The following PCDHGA3 variants were observed in gnomAD, a reference collection of about 807,000 sequenced individuals.
PCDHGA3 encodes the protein protocadherin gamma subfamily A, 3, also known as protocadherin gamma-A3.
A neutral mutation model predicts 58.5 loss-of-function variants in PCDHGA3; 40 were observed. The ratio of observed to expected loss-of-function variants is 0.68; its 90% CI spans 0.53 to 0.89. The LOEUF (loss-of-function observed/expected upper bound fraction) is 0.89, where lower values mean the gene tolerates loss of function less well. Ranked by LOEUF, PCDHGA3 falls within the 40% of genes least tolerant of loss-of-function variation. The pLI, the probability that PCDHGA3 is intolerant of heterozygous loss-of-function variation, is 0.00. For missense variants in PCDHGA3, 1,223 were observed against 1,195.9 expected, an observed-to-expected ratio of 1.02 and a Z score of -0.33; for synonymous variants, 530 against 525.7, an observed-to-expected ratio of 1.01 and a Z score of -0.11.
chr5:141,390,523 G>T, intron 1 of PCDHGA3: 1 of 556,304 alleles, frequency 1.8e-6, no homozygotes, highest in South Asian at 2.2e-5. Context: ...AGCAATGAGG[G>T]TGTGGTTTTA....
At position 141,475,845 on chromosome 5, in the gene PCDHGA3, G is replaced by A. The variant is rs2099375736; in HGVS notation, c.2425-18962G>A. On this transcript the variant is annotated intron_variant, in intron 1 of 3. Coordinates refer to ENST00000253812, the MANE Select transcript of PCDHGA3 (RefSeq NM_018916.4). ...CGCTAGCGCGTGTCCTGCTCAGAGA[G>A]CCCGGCGCTAGCTCATTCTTCGTGC... The A allele has an allele frequency of 2.0e-5, 9 of 447,884 alleles. 1 individual carries two copies. In the South Asian group the frequency reaches 2.8e-4, roughly 14 times the overall value. 27.7% of individuals were successfully genotyped at this position (447,884 alleles called of 1,614,324 possible).
rs760617436 is a variant in PCDHGA3 at position 141,410,113 on chromosome 5, A to T, written c.2424+63656A>T. On this transcript the variant is annotated intron_variant, in intron 1 of 3. Transcript: ENST00000253812. The stretch of plus-strand genomic sequence containing the variant: ...CTCGAGCCTTAGGCGACAGGGACGC[A>T]GCCCGCCAGCGCCTGCTGGTCGCTG... 5 of 1,612,436 alleles carry T rather than the reference A, an allele frequency of 3.1e-6. No individual in the cohort carries two copies. The African/African-American group carries it at 6.7e-5, about 22-fold the overall frequency.
intron 1 of PCDHGA3, among the ~76,000 whole-genome samples, chr5:141,473,948 A>ACC (rs2099333859): frequency 1.3e-5 from 2 of 152,182 alleles, no homozygotes; most frequent in Non-Finnish European, 2.9e-5. Context: ...TCAGGCCTGT[A>ACC]GTCCCATCTA....
chr5:141,415,837 A>G (rs1232795581), intron 1 of PCDHGA3: 1 of 1,272,340 alleles, frequency 7.9e-7, no homozygotes, highest in Admixed American at 4.0e-5. Flanking sequence ...TGTTATGATT[A>G]GCTTTGCAGA....
Position 141,486,799 on chromosome 5 carries a change from C to A in PCDHGA3, c.2425-8008C>A. The A allele has an allele frequency of 6.2e-7, 1 of 1,614,220 alleles. No individual in the cohort carries two copies. Among genetic ancestry groups the A allele is most frequent in the African/African-American group, 1.3e-5 (1 of 75,060 alleles). ...AGGTGCAGGCCCGGGATCGGGGCAA[C>A]CCACCCCTTAGCAGCACTGTAACAG... On this transcript the variant is annotated intron_variant, in intron 1 of 3. Coordinates refer to ENST00000253812, the MANE Select transcript of PCDHGA3 (RefSeq NM_018916.4). This position sits in a 1 kb window ranked among gnomAD's most constrained non-coding sequence, Gnocchi z 5.0.
chr5:141,473,763 GGATTTGGT>G (rs1358359618), intron 1 of PCDHGA3, among the ~76,000 whole-genome samples: 73 of 152,322 alleles, frequency 4.8e-4, no homozygotes, highest in African/African-American at 1.7e-3. Context: ...ACTATGCAAA[GGATTTGGT>G]ATTTTAATTC....
At chr5:141,504,303 G>A (rs1157625808) in intron 2 of PCDHGA3, among the ~76,000 whole-genome samples, 4 of 151,938 alleles carry the variant, frequency 2.6e-5, no homozygotes, top group Admixed American at 2.6e-4. Context: ...TTCAACACTC[G>A]GAGTTTCTAA....
At chr5:141,498,467 G>C (rs535351060) in intron 2 of PCDHGA3, among the ~76,000 whole-genome samples, 1 of 152,116 alleles carries the variant, frequency 6.6e-6, no homozygotes, top group East Asian at 1.9e-4. Context: ...GTCTAACCCT[G>C]GTTCCAGCCT....
At chr5:141,353,663 T>C (rs1218288204) in intron 1 of PCDHGA3, among the ~76,000 whole-genome samples, 1 of 152,266 alleles carries the variant, frequency 6.6e-6, no homozygotes, top group East Asian at 1.9e-4. Context: ...ACAAAGAATG[T>C]AATGAACATT....
chr5:141,350,815 A>G (rs1758568348), intron 1 of PCDHGA3: 2 of 1,613,904 alleles, frequency 1.2e-6, no homozygotes, highest in African/African-American at 1.3e-5. Context: ...GTCCTGATGG[A>G]AGTAAATATC....
chr5:141,378,385 G>T, intron 1 of PCDHGA3: 1 of 152,308 alleles, frequency 6.6e-6, no homozygotes, highest in Non-Finnish European at 1.5e-5. Flanking sequence ...TAGCCAGGTG[G>T]GGTGGCATGG....
chr5:141,499,486 C>T (rs569172977), intron 2 of PCDHGA3, among the ~76,000 whole-genome samples: 3 of 152,284 alleles, frequency 2.0e-5, no homozygotes, highest in East Asian at 1.9e-4. Context: ...CCACCAACTA[C>T]AGTTTAATAT....
At chr5:141,451,624 G>A (rs1016417101) in intron 1 of PCDHGA3, among the ~76,000 whole-genome samples, 3 of 152,150 alleles carry the variant, frequency 2.0e-5, no homozygotes, top group African/African-American at 7.2e-5. Context: ...GCTCAAACCT[G>A]TAATTCCAGC....
At position 141,490,176 on chromosome 5, in the gene PCDHGA3, G is replaced by T. The variant is rs758876319; in HGVS notation, c.2425-4631G>T. On this transcript the variant is annotated intron_variant, in intron 1 of 3. Transcript: ENST00000253812. This position sits in a 1 kb window ranked among gnomAD's most constrained non-coding sequence, Gnocchi z 5.4. ...TGTTGGGTCCCATAGACTTTGAGGAGTCACGTTTCTATGAAATTCATGCAA... is the reference window on the plus strand; with the variant it reads ...TGTTGGGTCCCATAGACTTTGAGGATTCACGTTTCTATGAAATTCATGCAA... 12 of 1,614,100 alleles carry T rather than the reference G, an allele frequency of 7.4e-6. No homozygotes were observed. Among genetic ancestry groups the T allele is most frequent in the Non-Finnish European group, 1.0e-5 (12 of 1,180,046 alleles).
intron 1 of PCDHGA3, chr5:141,484,876 A>T (rs1461505847): frequency 6.3e-6 from 2 of 315,126 alleles, no homozygotes; most frequent in Admixed American, 9.4e-5. Flanking sequence ...CGTGGAGGAT[A>T]GGGTGGGCTT....
At chr5:141,450,055 G>A (rs1325291695) in intron 1 of PCDHGA3, among the ~76,000 whole-genome samples, 2 of 137,594 alleles carry the variant, frequency 1.5e-5, no homozygotes, top group Non-Finnish European at 3.0e-5. Flanking sequence ...CGCCCAGGCT[G>A]GAATGCAGTG....
At chr5:141,423,257 G>A in intron 1 of PCDHGA3, 2 of 1,613,946 alleles carry the variant, frequency 1.2e-6, no homozygotes, top group Non-Finnish European at 1.7e-6. Context: ...GCGGACCTCG[G>A]CAGCCTCGAG....
At chr5:141,398,284 G>A (rs1462851627) in intron 1 of PCDHGA3, 1 of 1,400,106 alleles carries the variant, frequency 7.1e-7, no homozygotes, top group Non-Finnish European at 9.8e-7. Flanking sequence ...CCTCGCCACG[G>A]ACCTGGGGTT....
chr5:141,470,016 C>T (rs116065751), intron 1 of PCDHGA3, among the ~76,000 whole-genome samples: 69 of 152,264 alleles, frequency 4.5e-4, no homozygotes, highest in Non-Finnish European at 7.2e-4. Flanking sequence ...GTAATCCCAG[C>T]TACTCGGGAT....
Sources: gnomAD v4.1 joint callset for allele counts (sites outside exome capture counted in the v4.1 genomes callset) on GRCh38, gnomAD v4.1.1 for gene constraint, Gnocchi (gnomAD v3.1) non-coding constraint, MANE v1.5 for transcripts, NCBI Gene and HGNC (gene_info 2026-07-23, HGNC 2026-07-21) for gene names.